The following DTNA variants were observed in gnomAD, a reference collection of about 807,000 sequenced individuals.
The protein encoded by DTNA is dystrobrevin alpha.
Under a neutral mutation model 100.7 loss-of-function variants are expected in DTNA, and 43 were observed. The observed-to-expected ratio is 0.43, with a 90% CI of 0.33 to 0.55. The LOEUF (loss-of-function observed/expected upper bound fraction) is 0.55, where lower values mean the gene tolerates loss of function less well. Among genes scored for constraint, DTNA ranks in the 20% least tolerant of loss-of-function variants. DTNA has a pLI of 0.04. For synonymous variants in DTNA, 349 were observed against 347.9 expected, an observed-to-expected ratio of 1.00 and a Z score of -0.04; for missense variants, 798 against 953.9, an observed-to-expected ratio of 0.84 and a Z score of 2.15.
upstream of DTNA, among the ~76,000 whole-genome samples, chr18:34,707,620 T>G (rs1356160331): frequency 6.6e-6 from 1 of 151,998 alleles, no homozygotes; most frequent in Non-Finnish European, 1.5e-5. Flanking sequence ...ATTAGATACG[T>G]GTAATGGCCA....
At chr18:34,846,812 TTACTC>T (rs1369961951) in intron 13 of DTNA, among the ~76,000 whole-genome samples, 5 of 152,358 alleles carry the variant, frequency 3.3e-5, no homozygotes, top group Admixed American at 2.6e-4. Flanking sequence ...TGTTTCATGT[TTACTC>T]TATTTGTAAA....
chr18:34,825,266 G>T, intron 9 of DTNA: 1 of 1,613,378 alleles, frequency 6.2e-7, no homozygotes, highest in Non-Finnish European at 8.5e-7. Context: ...GCTGCCAAAA[G>T]TGATACTTGG....
intron 1 of DTNA, among the ~76,000 whole-genome samples, chr18:34,713,396 T>A (rs2083289425): frequency 6.6e-6 from 1 of 152,116 alleles, no homozygotes; most frequent in South Asian, 2.1e-4. Context: ...AATATCTTGG[T>A]TTTGTTCAAT....
Position 34,764,130 on chromosome 18 carries a change from C to A in DTNA, c.68-1831C>A, listed in dbSNP as rs529387178. 5.3e-5 allele frequency among the ~76,000 whole-genome samples: 8 copies of A among 152,272 alleles called. No individual in the cohort carries two copies. In the East Asian group the frequency reaches 1.5e-3, roughly 29 times the overall value. On this transcript the variant is annotated intron_variant, in intron 2 of 22. Coordinates refer to ENST00000444659, the MANE Select transcript of DTNA (RefSeq NM_001386795.1). ...AAGCTCAAATATAAAAAAGAAATTT[C>A]TATCACATATTTTTGTTCAGAAATG...
intron 1 of DTNA, among the ~76,000 whole-genome samples, chr18:34,674,034 A>C (rs367949616): frequency 1.3e-5 from 2 of 152,214 alleles, no homozygotes; most frequent in African/African-American, 4.8e-5. Flanking sequence ...CTGTGATTTG[A>C]TGGAAATGAA....
At chr18:34,787,839 A>G (rs1341294955) in intron 3 of DTNA, among the ~76,000 whole-genome samples, 1 of 152,216 alleles carries the variant, frequency 6.6e-6, no homozygotes, top group Admixed American at 6.5e-5. Flanking sequence ...TTATGTATGT[A>G]AAGACAAATC....
chr18:34,727,440 C>G (rs1177465384), intron 1 of DTNA, among the ~76,000 whole-genome samples: 1 of 152,046 alleles, frequency 6.6e-6, no homozygotes, highest in Non-Finnish European at 1.5e-5. Flanking sequence ...CCTTGTGAAT[C>G]AAGGATATTG....
intron 1 of DTNA, among the ~76,000 whole-genome samples, chr18:34,531,276 A>G (rs77737797): frequency 3.7e-4 from 57 of 152,228 alleles, no homozygotes; most frequent in African/African-American, 1.3e-3. Context: ...ACTGATGTTC[A>G]GGAGATGTGG....
At chr18:34,753,662 G>A (rs546645367) in intron 1 of DTNA, among the ~76,000 whole-genome samples, 2 of 141,812 alleles carry the variant, frequency 1.4e-5, no homozygotes, top group South Asian at 2.1e-4. Context: ...GATTACAGGC[G>A]TGAGCCACCG....
intron 2 of DTNA, among the ~76,000 whole-genome samples, chr18:34,761,095 C>T (rs1253604559): frequency 1.3e-5 from 2 of 151,682 alleles, no homozygotes; most frequent in Non-Finnish European, 2.9e-5. Flanking sequence ...CTCTTTCTCT[C>T]TCTCAGTATC....
chr18:34,880,050 T>TA (rs2150377811), intron 20 of DTNA, among the ~76,000 whole-genome samples: 1 of 152,286 alleles, frequency 6.6e-6, no homozygotes, highest in South Asian at 2.1e-4. Context: ...GTTCAGGAGA[T>TA]AAATCATCCT....
rs114197648 is a variant in DTNA, at chr18:34,822,107, T to G, written c.1001+1192T>G. ...CTTACAAGCTGGCATGGGCTCAGCC[T>G]CCAGAAACTAATGTAAACTAATTCT... is the stretch of plus-strand genomic sequence containing the variant. On this transcript the variant is annotated intron_variant, in intron 9 of 22. Coordinates refer to ENST00000444659, the MANE Select transcript of DTNA (RefSeq NM_001386795.1). Among the ~76,000 whole-genome samples, 968 of 152,314 alleles carry G rather than the reference T, an allele frequency of 6.4e-3. 11 individuals carry two copies. The highest frequency in any genetic ancestry group is 0.023 in the African/African-American group (936 of 41,576).
intron 15 of DTNA, among the ~76,000 whole-genome samples, chr18:34,856,466 G>A (rs1477651823): frequency 1.3e-5 from 2 of 152,196 alleles, no homozygotes; most frequent in Non-Finnish European, 1.5e-5. Flanking sequence ...CACCTTTGGT[G>A]GAGCCAGTCA....
chr18:34,802,339 G>T (rs1041140396), intron 4 of DTNA, among the ~76,000 whole-genome samples: 4 of 152,216 alleles, frequency 2.6e-5, no homozygotes, highest in African/African-American at 9.6e-5. Flanking sequence ...GCAATATGCT[G>T]CTTTCCTGCT....
intron 1 of DTNA, among the ~76,000 whole-genome samples, chr18:34,729,107 A>C (rs1199204460): frequency 2.0e-5 from 3 of 152,242 alleles, no homozygotes; most frequent in Non-Finnish European, 4.4e-5. Context: ...TATGATGTCA[A>C]TGTCAATGGC....
At chr18:34,563,234 C>T (rs2046796286) in intron 1 of DTNA, among the ~76,000 whole-genome samples, 1 of 152,138 alleles carries the variant, frequency 6.6e-6, no homozygotes, top group Non-Finnish European at 1.5e-5. Context: ...GAGAGGCATA[C>T]ATGGAAGAAG....
chr18:34,863,016 T>C (rs2096649212), intron 16 of DTNA, among the ~76,000 whole-genome samples: 1 of 152,202 alleles, frequency 6.6e-6, no homozygotes, highest in Admixed American at 6.5e-5. Context: ...ATGTTTAAAG[T>C]TTCCATGCAG....
intron 1 of DTNA, among the ~76,000 whole-genome samples, chr18:34,627,636 A>G (rs1207406793): frequency 6.6e-6 from 1 of 152,158 alleles, no homozygotes; most frequent in East Asian, 1.9e-4. Flanking sequence ...CATCATCTTT[A>G]TAATGCTCAG....
chr18:34,514,675 T>G (rs1355509365), intron 1 of DTNA, among the ~76,000 whole-genome samples: 1 of 152,012 alleles, frequency 6.6e-6, no homozygotes, highest in South Asian at 2.1e-4. Flanking sequence ...AGTCCAAGAT[T>G]AAGGCAGTTT....
Sources: gnomAD v4.1 joint callset for allele counts (sites outside exome capture counted in the v4.1 genomes callset) on GRCh38, gnomAD v4.1.1 for gene constraint, MANE v1.5 for transcripts, NCBI Gene and HGNC (gene_info 2026-07-23, HGNC 2026-07-21) for gene names.